Variants in NALF1 observed in about 807,000 individuals in gnomAD.
NALF1 encodes the protein NALCN channel auxiliary factor 1.
A neutral mutation model predicts 48.4 loss-of-function variants in NALF1; 3 were observed. That is an observed-to-expected ratio of 0.06 (90% confidence interval 0.03 to 0.16). The LOEUF (loss-of-function observed/expected upper bound fraction) is 0.16. Among genes scored for constraint, NALF1 ranks in the 10% least tolerant of loss-of-function variants. The pLI is 1.00. For synonymous variants in NALF1, 262 were observed against 245.7 expected (o/e 1.07, Z -0.62); for missense variants, 526 against 571.5 (o/e 0.92, Z 0.81).
intron 1 of NALF1, among the ~76,000 whole-genome samples, chr13:107,276,376 T>G (rs1331519273): frequency 6.6e-6 from 1 of 152,338 alleles, no homozygotes; most frequent in East Asian, 1.9e-4. Flanking sequence ...ACCTCATCTC[T>G]TCCTGAGGTT....
chr13:107,763,471 C>CAAAAAAA (rs750250035), intron 1 of NALF1, among the ~76,000 whole-genome samples: 3 of 79,156 alleles, frequency 3.8e-5, no homozygotes, highest in Admixed American at 3.0e-4. Flanking sequence ...TATTAAAATT[C>CAAAAAAA]AAAAAAAAAA....
intron 1 of NALF1, among the ~76,000 whole-genome samples, chr13:107,358,020 A>T (rs1882992655): frequency 6.6e-6 from 1 of 152,180 alleles, no homozygotes; most frequent in Non-Finnish European, 1.5e-5. Context: ...TAAATAAATG[A>T]CTACATGTAA....
intron 1 of NALF1, among the ~76,000 whole-genome samples, chr13:107,726,099 A>G (rs1876141538): frequency 6.6e-6 from 1 of 152,148 alleles, no homozygotes; most frequent in Admixed American, 6.5e-5. Context: ...TCTGTCATCT[A>G]GGGCTTACTG....
intron 1 of NALF1, among the ~76,000 whole-genome samples, chr13:107,429,338 A>G (rs1884335521): frequency 6.7e-6 from 1 of 149,936 alleles, no homozygotes; most frequent in Non-Finnish European, 1.5e-5. Context: ...AAAAAAAAAG[A>G]TTAGAAAGCA....
intron 2 of NALF1, among the ~76,000 whole-genome samples, chr13:107,183,475 C>T (rs899795781): frequency 2.0e-5 from 3 of 152,168 alleles, no homozygotes; most frequent in Non-Finnish European, 2.9e-5. Flanking sequence ...CCATTTGACT[C>T]AGCAATCCCA....
In NALF1 at chr13:107,628,436, G is replaced by A. The variant is rs544552076; in HGVS notation, c.915+237246C>T. 2.0e-5 allele frequency among the ~76,000 whole-genome samples: 3 copies of A among 152,186 alleles called. No homozygotes were observed. The East Asian group carries it at 5.8e-4, about 30-fold the overall frequency. On this transcript the variant is annotated intron_variant, in intron 1 of 2. Coordinates refer to ENST00000375915, the MANE Select transcript of NALF1 (RefSeq NM_001080396.3). Reference sequence around the variant, plus strand: ...TTATTTCCTTCAAGGAGAATGCCAAGTGATACGCTAATGGATCTCCTGCTG... The same window carrying A: ...TTATTTCCTTCAAGGAGAATGCCAAATGATACGCTAATGGATCTCCTGCTG...
At chr13:107,400,430 G>T (rs1287388832) in intron 1 of NALF1, among the ~76,000 whole-genome samples, 2 of 152,030 alleles carry the variant, frequency 1.3e-5, no homozygotes, top group South Asian at 2.1e-4. Context: ...GAAGCATGTT[G>T]TAAGGGTGGG....
rs548709767 is a variant in NALF1 at position 107,507,594 on chromosome 13, TAAA to T, written c.916-296842_916-296840del. 2.3e-3 allele frequency among the ~76,000 whole-genome samples: 201 copies of T among 86,406 alleles called. 1 individual carries two copies. The highest frequency in any genetic ancestry group is 0.01 in the African/African-American group (185 of 17,884). The allele number at this position is 86,406 out of a possible 152,430, so 56.7% of individuals were successfully genotyped here. On this transcript the variant is annotated intron_variant, in intron 1 of 2. Coordinates refer to ENST00000375915, the MANE Select transcript of NALF1 (RefSeq NM_001080396.3). ...AGATGCCTAGATGTTTATTCTCCATTAAAAAAAAAAAAAAAAAAAAAAAAAAAA... is the reference window on the plus strand; with the variant it reads ...AGATGCCTAGATGTTTATTCTCCATTAAAAAAAAAAAAAAAAAAAAAAAAA...
At chr13:107,804,843 C>A (rs1465866716) in intron 1 of NALF1, among the ~76,000 whole-genome samples, 1 of 152,084 alleles carries the variant, frequency 6.6e-6, no homozygotes. Context: ...TATTTCTGTT[C>A]AAACCACAGG....
intron 1 of NALF1, among the ~76,000 whole-genome samples, chr13:107,772,794 G>A (rs897316021): frequency 2.0e-5 from 3 of 152,118 alleles, no homozygotes; most frequent in African/African-American, 7.2e-5. Flanking sequence ...TCCTATGTGA[G>A]AGAAACACTT....
intron 1 of NALF1, among the ~76,000 whole-genome samples, chr13:107,468,939 T>C (rs2139050422): frequency 6.6e-6 from 1 of 152,280 alleles, no homozygotes; most frequent in African/African-American, 2.4e-5. Flanking sequence ...CTAATAAAGA[T>C]ACAACAGCAT....
chr13:107,561,400 G>A (rs1277917254), intron 1 of NALF1, among the ~76,000 whole-genome samples: 1 of 152,068 alleles, frequency 6.6e-6, no homozygotes, highest in East Asian at 1.9e-4. Context: ...TTCACTTTGG[G>A]TTTTTCTTAT....
intron 1 of NALF1, among the ~76,000 whole-genome samples, chr13:107,304,156 C>G (rs1594111902): frequency 2.0e-5 from 3 of 152,140 alleles, no homozygotes; most frequent in African/African-American, 7.2e-5. Context: ...CAGAGAGCAT[C>G]ACTCTTCTTA....
Position 107,766,729 on chromosome 13 carries a change from A to T in NALF1, c.915+98953T>A, listed in dbSNP as rs527372021. ...TTGAAAATAGAAGACAAATTTTATTAAAACAAATTCAAAGCAAGAAAATTT... is the reference window on the plus strand; with the variant it reads ...TTGAAAATAGAAGACAAATTTTATTTAAACAAATTCAAAGCAAGAAAATTT... On this transcript the variant is annotated intron_variant, in intron 1 of 2. Coordinates refer to ENST00000375915, the MANE Select transcript of NALF1 (RefSeq NM_001080396.3). 9.2e-5 allele frequency among the ~76,000 whole-genome samples: 14 copies of T among 152,344 alleles called. No homozygotes were observed. In the East Asian group the frequency reaches 2.7e-3, roughly 29 times the overall value.
At chr13:107,265,427 T>C (rs1162746253) in intron 1 of NALF1, among the ~76,000 whole-genome samples, 1 of 152,208 alleles carries the variant, frequency 6.6e-6, no homozygotes, top group Non-Finnish European at 1.5e-5. Flanking sequence ...TTTTTATTTA[T>C]TTATTTTTTT....
At chr13:107,852,979 T>C (rs1229471860) in intron 1 of NALF1, among the ~76,000 whole-genome samples, 1 of 152,178 alleles carries the variant, frequency 6.6e-6, no homozygotes, top group Non-Finnish European at 1.5e-5. Flanking sequence ...GTCCCATGCA[T>C]TTCAAATGTC....
At chr13:107,721,148 A>G (rs1318895121) in intron 1 of NALF1, among the ~76,000 whole-genome samples, 1 of 146,004 alleles carries the variant, frequency 6.8e-6, no homozygotes, top group African/African-American at 2.5e-5. Context: ...ACACACACAC[A>G]CGTAATGAAA....
At chr13:107,862,018 T>C (rs1880585248) in intron 1 of NALF1, among the ~76,000 whole-genome samples, 1 of 152,166 alleles carries the variant, frequency 6.6e-6, no homozygotes. Flanking sequence ...TAATATAAGA[T>C]TGTAAAAATA....
intron 1 of NALF1, among the ~76,000 whole-genome samples, chr13:107,809,847 C>A (rs995340668): frequency 2.6e-5 from 4 of 152,016 alleles, no homozygotes; most frequent in African/African-American, 9.7e-5. Flanking sequence ...TCACCTTTTT[C>A]TTTTATCCTC....
Sources: allele counts gnomAD v4.1 joint callset (sites outside exome capture counted in the v4.1 genomes callset), GRCh38; gene constraint gnomAD v4.1.1; transcripts MANE v1.5; gene names NCBI Gene and HGNC (gene_info 2026-07-23, HGNC 2026-07-21).